The following SEMA3A variants were observed in gnomAD, a reference collection of about 807,000 sequenced individuals.
SEMA3A encodes the protein semaphorin-3A.
SEMA3A carries 29 observed loss-of-function variants against 97.9 expected under a neutral mutation model. The observed-to-expected ratio is 0.30, with a 90% CI of 0.22 to 0.40. SEMA3A has a LOEUF of 0.40. SEMA3A is among the 10% of genes least tolerant of loss of function. The probability of loss-of-function intolerance (pLI) is 1.00; values close to 1 mark genes in which losing one functional copy is unlikely to be tolerated. For missense variants in SEMA3A, 763 were observed against 951.3 expected, an observed-to-expected ratio of 0.80 and a Z score of 2.60; for synonymous variants, 321 against 323.7, an observed-to-expected ratio of 0.99 and a Z score of 0.09.
At chr7:84,410,028 T>C (rs1408039310) in intron 1 of SEMA3A, among the ~76,000 whole-genome samples, 1 of 152,086 alleles carries the variant, frequency 6.6e-6, no homozygotes, top group South Asian at 2.1e-4. Context: ...GGGAGTAGCA[T>C]TGGTTATAGT....
chr7:84,382,495 G>A (rs901854547), intron 1 of SEMA3A, among the ~76,000 whole-genome samples: 2 of 151,398 alleles, frequency 1.3e-5, no homozygotes, highest in East Asian at 2.0e-4. Flanking sequence ...AAAAATCAGA[G>A]ATTGAATGAG....
At chr7:84,001,818 C>T (rs1310373434) in intron 12 of SEMA3A, 137 bp downstream of exon 12, 2 of 458,788 alleles carry the variant, frequency 4.4e-6, no homozygotes, top group East Asian at 6.6e-5. Context: ...TGACTAGTGT[C>T]TGGCTTTCTA....
chr7:83,980,623 A>AAAAAATATATATAT (rs1310318006), intron 14 of SEMA3A, among the ~76,000 whole-genome samples: 3 of 71,762 alleles, frequency 4.2e-5, no homozygotes, highest in Non-Finnish European at 7.2e-5. Flanking sequence ...AAAAAAAAAA[A>AAAAAATATATATAT]ATATATATAT....
In SEMA3A at chr7:84,052,097, A is replaced by G. The variant is rs1250250256; in HGVS notation, c.548-5654T>C. ...TGGCGGATAAGCTTTTTGATGTGCT[A>G]CTGGATTCGGTTTGCCAGTATTTTA... On this transcript the variant is annotated intron_variant, in intron 5 of 16. Transcript: ENST00000265362. 2.1e-3 allele frequency among the ~76,000 whole-genome samples: 312 copies of G among 151,902 alleles called. 2 individuals carry two copies. Among genetic ancestry groups the G allele is most frequent in the African/African-American group, 6.0e-3 (249 of 41,424 alleles).
chr7:84,213,035 C>A (rs545327139), intron 3 of SEMA3A, among the ~76,000 whole-genome samples: 2 of 152,256 alleles, frequency 1.3e-5, no homozygotes, highest in South Asian at 4.1e-4. Context: ...TCTATCTTGG[C>A]TCATCGCAAC....
intron 2 of SEMA3A, among the ~76,000 whole-genome samples, chr7:84,355,993 C>A (rs1244481137): frequency 1.3e-5 from 2 of 151,796 alleles, no homozygotes; most frequent in Non-Finnish European, 2.9e-5. Flanking sequence ...TGGAAAAATT[C>A]TCCAGAAACT....
chr7:83,956,463 A>T lies in SEMA3A; in HGVS notation c.*4908T>A, dbSNP rs1311769514. The T allele has an allele frequency of 6.6e-6, 1 of 152,174 alleles. No individual in the cohort carries two copies. The highest frequency in any genetic ancestry group is 2.4e-5 in the African/African-American group (1 of 41,448). The allele number at this position is 152,174 out of a possible 1,614,324, so 9.4% of individuals were successfully genotyped here. A position where few individuals can be genotyped will look rare whatever the true frequency, so the allele number is the denominator to read the frequency against. Reference sequence around the variant, plus strand: ...CTAGAGGAGAGATTATGAAATACAGATGAGTTTGAAGACGGTTGTGGGAAC... The same window carrying T: ...CTAGAGGAGAGATTATGAAATACAGTTGAGTTTGAAGACGGTTGTGGGAAC... On this transcript the variant is annotated 3_prime_UTR_variant, in exon 17 of 17. Coordinates refer to ENST00000265362, the MANE Select transcript of SEMA3A (RefSeq NM_006080.3).
At chr7:84,179,070 T>C (rs1008856009) in intron 1 of SEMA3A, among the ~76,000 whole-genome samples, 2 of 152,192 alleles carry the variant, frequency 1.3e-5, no homozygotes, top group African/African-American at 4.8e-5. Context: ...TCACAGTTCT[T>C]TATTGGTATA....
At chr7:84,056,603 C>T (rs755100584) in intron 5 of SEMA3A, among the ~76,000 whole-genome samples, 1 of 151,764 alleles carries the variant, frequency 6.6e-6, no homozygotes, top group South Asian at 2.1e-4. Context: ...GAAAATACCC[C>T]CTCTATCACA....
At chr7:84,210,909 G>A (rs556820297) in intron 3 of SEMA3A, among the ~76,000 whole-genome samples, 9 of 151,868 alleles carry the variant, frequency 5.9e-5, no homozygotes, top group Non-Finnish European at 1.2e-4. Flanking sequence ...CTTAAGCATT[G>A]CAAATAATAT....
At chr7:83,995,070 C>T (rs928168378) in intron 12 of SEMA3A, among the ~76,000 whole-genome samples, 1 of 152,108 alleles carries the variant, frequency 6.6e-6, no homozygotes, top group Non-Finnish European at 1.5e-5. Context: ...GTGGGAGTGA[C>T]CCGATTTTCC....
intron 6 of SEMA3A, among the ~76,000 whole-genome samples, chr7:84,029,798 A>T (rs1247098976): frequency 7.5e-6 from 1 of 133,790 alleles, no homozygotes; most frequent in East Asian, 2.3e-4. Context: ...TTGCACACAC[A>T]TCCCTTCCAT....
In SEMA3A at chr7:84,120,353, C is replaced by A. The variant is rs529045624; in HGVS notation, c.333+8770G>T. On this transcript the variant is annotated intron_variant, in intron 3 of 16. Transcript: ENST00000265362. The stretch of plus-strand genomic sequence containing the variant: ...TATGCAAAATTTGCTTGTTTAATTA[C>A]TTGAAAAGAAATATGGACTTGTAAC... 2.0e-5 allele frequency among the ~76,000 whole-genome samples: 3 copies of A among 152,178 alleles called. No homozygotes were observed. The South Asian group carries it at 6.2e-4, about 32-fold the overall frequency.
intron 4 of SEMA3A, among the ~76,000 whole-genome samples, chr7:84,103,824 C>A (rs1245231436): frequency 6.6e-6 from 1 of 151,852 alleles, no homozygotes; most frequent in Admixed American, 6.6e-5. Flanking sequence ...GAAAAAGTAC[C>A]AAACAGGTGA....
chr7:84,273,508 A>G (rs969584336), intron 3 of SEMA3A, among the ~76,000 whole-genome samples: 2 of 152,172 alleles, frequency 1.3e-5, no homozygotes, highest in Non-Finnish European at 2.9e-5. Context: ...GTAATAGAGC[A>G]CACACGTTTT....
chr7:84,120,321 T>C (rs1176403522), intron 3 of SEMA3A, among the ~76,000 whole-genome samples: 1 of 152,186 alleles, frequency 6.6e-6, no homozygotes, highest in African/African-American at 2.4e-5. Flanking sequence ...ATGTATCTTT[T>C]ACCTTATATG....
At chr7:83,976,480 A>G (rs1018601071) in intron 15 of SEMA3A, among the ~76,000 whole-genome samples, 7 of 152,098 alleles carry the variant, frequency 4.6e-5, no homozygotes, top group Admixed American at 2.0e-4. Context: ...TAATGTTTCA[A>G]TTATGGAAAG....
intron 12 of SEMA3A, among the ~76,000 whole-genome samples, chr7:83,993,142 C>A (rs1790036926): frequency 7.1e-6 from 1 of 141,110 alleles, no homozygotes; most frequent in Non-Finnish European, 1.5e-5. Flanking sequence ...ATTGCAACCC[C>A]TGCCTTTTTT....
chr7:84,188,960 G>A (rs35088033), intron 1 of SEMA3A, among the ~76,000 whole-genome samples: 8,132 of 151,772 alleles, frequency 0.054, 245 homozygotes, highest in Middle Eastern at 0.085. Flanking sequence ...ACCTTATTCT[G>A]TGCATATTTA....
Sources: allele counts gnomAD v4.1 joint callset (sites outside exome capture counted in the v4.1 genomes callset), GRCh38; gene constraint gnomAD v4.1.1; transcripts MANE v1.5; gene names NCBI Gene and HGNC (gene_info 2026-07-23, HGNC 2026-07-21).